PBRM1: variants seen among roughly 807,000 people sequenced by gnomAD.
PBRM1 encodes polybromo 1.
A neutral mutation model predicts 194.5 loss-of-function variants in PBRM1; 27 were observed. The observed-to-expected ratio is 0.14, with a 90% CI of 0.10 to 0.19. The LOEUF (loss-of-function observed/expected upper bound fraction) is 0.19, where lower values mean the gene tolerates loss of function less well. Among genes scored for constraint, PBRM1 ranks in the 10% least tolerant of loss-of-function variants. PBRM1 has a pLI of 1.00. For synonymous variants in PBRM1, 655 were observed against 693.2 expected (o/e 0.94, Z 0.87); for missense variants, 1,466 against 2,077.2 (o/e 0.71, Z 5.72).
chr3:52,576,403 T>C (rs1398485870), intron 22 of PBRM1, 138 bp downstream of exon 24: 4 of 532,166 alleles, frequency 7.5e-6, no homozygotes, highest in African/African-American at 5.9e-5. Context: ...CCCCAATCTC[T>C]GCCCCAACAT....
intron 1 of PBRM1, chr3:52,685,016 A>T (rs977405796): frequency 6.6e-6 from 1 of 152,226 alleles, no homozygotes; most frequent in Non-Finnish European, 1.5e-5. Flanking sequence ...AAAAAATAAT[A>T]CCTAAAATTA....
chr3:52,660,654 A>C (rs2096705276), intron 4 of PBRM1, among the ~76,000 whole-genome samples: 3 of 151,990 alleles, frequency 2.0e-5, no homozygotes, highest in Admixed American at 2.0e-4. Flanking sequence ...CAGGGATTAC[A>C]GGTGCCCACC....
intron 3 of PBRM1, among the ~76,000 whole-genome samples, chr3:52,666,678 C>A (rs2153974146): frequency 6.6e-6 from 1 of 152,192 alleles, no homozygotes; most frequent in East Asian, 1.9e-4. Flanking sequence ...ATCGCTTGAG[C>A]CCAGGAGTTC....
At chr3:52,639,225 C>T (rs1376996822) in intron 10 of PBRM1, among the ~76,000 whole-genome samples, 2 of 152,164 alleles carry the variant, frequency 1.3e-5, no homozygotes, top group Non-Finnish European at 2.9e-5. Flanking sequence ...ATCTGCCCAC[C>T]TCAGGCTCCA....
At chr3:52,685,166 T>A (rs1370992989) in intron 1 of PBRM1, among the ~76,000 whole-genome samples, 2 of 152,226 alleles carry the variant, frequency 1.3e-5, no homozygotes, top group African/African-American at 4.8e-5. Context: ...TTTTTGCAAC[T>A]CTTTCTTCCC....
intron 20 of PBRM1, among the ~76,000 whole-genome samples, chr3:52,583,235 C>T (rs550038864): frequency 5.9e-5 from 9 of 151,628 alleles, no homozygotes; most frequent in African/African-American, 2.2e-4. Context: ...CATGGTGAAA[C>T]CCTGTCTCTA....
chr3:52,584,289 A>G (rs1048104183), intron 20 of PBRM1, among the ~76,000 whole-genome samples: 2 of 152,010 alleles, frequency 1.3e-5, no homozygotes, highest in Admixed American at 6.6e-5. Context: ...AACAGTTGCT[A>G]AAGTGTATTC....
chr3:52,551,149 A>C (rs2080885985), intron 27 of PBRM1, among the ~76,000 whole-genome samples: 1 of 152,226 alleles, frequency 6.6e-6, no homozygotes, highest in Non-Finnish European at 1.5e-5. Flanking sequence ...TCTTCTGACA[A>C]CACATTCTCC....
chr3:52,614,373 C>CAAAAAAAAAAAAAA (rs1165930996), intron 15 of PBRM1, among the ~76,000 whole-genome samples: 4 of 40,920 alleles, frequency 9.8e-5, no homozygotes, highest in Admixed American at 4.4e-4. Flanking sequence ...GATGCTTCAT[C>CAAAAAAAAAAAAAA]AAAAAAAAAA....
intron 21 of PBRM1, among the ~76,000 whole-genome samples, chr3:52,578,163 T>C (rs979895584): frequency 1.3e-5 from 2 of 152,160 alleles, no homozygotes; most frequent in Non-Finnish European, 2.9e-5. Flanking sequence ...GTGAGGCCTA[T>C]ATAAACCATT....
Position 52,648,228 on chromosome 3 carries a change from G to A in PBRM1, c.813+116C>T. The stretch of plus-strand genomic sequence containing the variant: ...AGCCTAAATTAAACACTTTTAATGG[G>A]TAAAGTCCATGGTATGTGAATTATA... On this transcript the variant is annotated intron_variant, in intron 7 of 29. Transcript: ENST00000296302. 6.3e-6 allele frequency: 4 copies of A among 635,192 alleles called. No individual in the cohort carries two copies. In the South Asian group the frequency reaches 8.3e-5, roughly 13 times the overall value. The allele number at this position is 635,192 out of a possible 1,614,324, so 39.3% of individuals were successfully genotyped here.
intron 18 of PBRM1, among the ~76,000 whole-genome samples, chr3:52,588,802 C>T (rs1294112306): frequency 3.3e-5 from 5 of 152,046 alleles, no homozygotes; most frequent in East Asian, 1.9e-4. Context: ...GTGATCTGCC[C>T]GCCTCAGCCT....
At chr3:52,635,340 G>A (rs2095767496) in intron 10 of PBRM1, among the ~76,000 whole-genome samples, 2 of 152,130 alleles carry the variant, frequency 1.3e-5, no homozygotes, top group Non-Finnish European at 2.9e-5. Flanking sequence ...GGCCAAGGTG[G>A]GTGAATCACA....
intron 11 of PBRM1, among the ~76,000 whole-genome samples, chr3:52,632,628 G>A (rs2095657141): frequency 6.6e-6 from 1 of 151,130 alleles, no homozygotes. Flanking sequence ...TGAAGAAAAG[G>A]TTACTATCCC....
intron 16 of PBRM1, among the ~76,000 whole-genome samples, chr3:52,604,195 G>C (rs1269564235): frequency 6.6e-6 from 1 of 152,174 alleles, no homozygotes; most frequent in Admixed American, 6.5e-5. Context: ...CATCATGGTT[G>C]CCTAGGCTAG....
chr3:52,640,278 T>C (rs2096020117), intron 10 of PBRM1, among the ~76,000 whole-genome samples: 1 of 152,100 alleles, frequency 6.6e-6, no homozygotes, highest in Middle Eastern at 3.2e-3. Context: ...TTATTATTTT[T>C]ATTTTTTATT....
chr3:52,674,993 G>C (rs2154029705), intron 2 of PBRM1, among the ~76,000 whole-genome samples: 1 of 152,044 alleles, frequency 6.6e-6, no homozygotes, highest in South Asian at 2.1e-4. Context: ...AGGAGGGAGG[G>C]AGGGAAGAAG....
chr3:52,559,293 G>A (rs966825844), intron 25 of PBRM1, among the ~76,000 whole-genome samples: 2 of 152,028 alleles, frequency 1.3e-5, no homozygotes, highest in Non-Finnish European at 2.9e-5. Context: ...CCCACTCCCC[G>A]GCCCTGAGCT....
At chr3:52,599,179 G>C (rs1485102581) in intron 17 of PBRM1, among the ~76,000 whole-genome samples, 2 of 152,078 alleles carry the variant, frequency 1.3e-5, no homozygotes, top group African/African-American at 4.8e-5. Flanking sequence ...GACAGAATGA[G>C]AGCCCATCAC....
Sources: gnomAD v4.1 joint callset for allele counts (sites outside exome capture counted in the v4.1 genomes callset) on GRCh38, gnomAD v4.1.1 for gene constraint, MANE v1.5 for transcripts, NCBI Gene and HGNC (gene_info 2026-07-23, HGNC 2026-07-21) for gene names.